CSMD1: variants seen among roughly 807,000 people sequenced by gnomAD.
CSMD1 encodes the protein CUB and sushi domain-containing protein 1.
Under a neutral mutation model 417.5 loss-of-function variants are expected in CSMD1, and 213 were observed. The ratio of observed to expected loss-of-function variants is 0.51; its 90% confidence interval spans 0.46 to 0.57. The LOEUF is 0.57. CSMD1 is among the 20% of genes least tolerant of loss of function. The pLI, the probability that CSMD1 is intolerant of heterozygous loss-of-function variation, is 0.00. For synonymous variants in CSMD1, 2,862 were observed against 1,736.8 expected, an observed-to-expected ratio of 1.65 and a Z score of -16.11; for missense variants, 6,923 against 4,529.7, an observed-to-expected ratio of 1.53 and a Z score of -15.17.
intron 3 of CSMD1, among the ~76,000 whole-genome samples, chr8:4,078,968 C>T (rs1239455202): frequency 2.1e-5 from 3 of 141,650 alleles, no homozygotes; most frequent in Non-Finnish European, 4.5e-5. Flanking sequence ...ATCTTCTCTT[C>T]ACTTTTTCCC....
intron 3 of CSMD1, among the ~76,000 whole-genome samples, chr8:4,289,134 C>G (rs984522131): frequency 6.6e-5 from 10 of 152,114 alleles, no homozygotes; most frequent in African/African-American, 2.4e-4. Flanking sequence ...TAACTAGTTA[C>G]AGTTCTTCTA....
chr8:3,702,474 T>A (rs1229939374), intron 7 of CSMD1, among the ~76,000 whole-genome samples: 2 of 152,206 alleles, frequency 1.3e-5, no homozygotes, highest in African/African-American at 4.8e-5. Flanking sequence ...TAAAACTGGT[T>A]TCTGCCAAGA....
intron 37 of CSMD1, among the ~76,000 whole-genome samples, chr8:3,165,894 C>T (rs374745916): frequency 6.6e-6 from 1 of 152,038 alleles, no homozygotes; most frequent in African/African-American, 2.4e-5. Flanking sequence ...GGCTCCGAAA[C>T]AGAAAAGCCA....
chr8:4,099,593 C>T (rs1054579810), intron 3 of CSMD1, among the ~76,000 whole-genome samples: 1 of 151,864 alleles, frequency 6.6e-6, no homozygotes, highest in African/African-American at 2.4e-5. Flanking sequence ...TCAAACTGTT[C>T]TTCAAAACCA....
intron 5 of CSMD1, among the ~76,000 whole-genome samples, chr8:3,919,788 TTG>T (rs1326831139): frequency 6.6e-6 from 1 of 152,128 alleles, no homozygotes; most frequent in African/African-American, 2.4e-5. Context: ...TTCCATTTGT[TTG>T]TGTTTTCAAT....
chr8:4,811,147 G>A (rs1253698439), intron 1 of CSMD1, among the ~76,000 whole-genome samples: 2 of 152,118 alleles, frequency 1.3e-5, no homozygotes, highest in African/African-American at 2.4e-5. Context: ...AGAAAAATAA[G>A]GCTGTAGTGG....
intron 29 of CSMD1, among the ~76,000 whole-genome samples, chr8:3,216,263 A>C (rs918619534): frequency 1.3e-5 from 2 of 152,112 alleles, no homozygotes; most frequent in Non-Finnish European, 2.9e-5. Context: ...CATTATTTTA[A>C]GCAAATACAG....
rs147040175 is a variant in CSMD1, at chr8:3,051,245, C to T, written c.7660+1217G>A. 1.0e-3 allele frequency among the ~76,000 whole-genome samples: 159 copies of T among 152,330 alleles called. 1 individual carries two copies. The highest frequency in any genetic ancestry group is 6.8e-3 in the Middle Eastern group (2 of 294). ...GCATACAGCAAATGTGATGCATACA[C>T]ATCATGGAATACTATGCAGCCATAA... On this transcript the variant is annotated intron_variant, in intron 50 of 69. Coordinates refer to ENST00000635120, the MANE Select transcript of CSMD1 (RefSeq NM_033225.6).
At chr8:2,951,358 A>AGCGAGC (rs1802618109) in intron 65 of CSMD1, 83 bp from the exon 66 acceptor site, 1 of 1,385,168 alleles carries the variant, frequency 7.2e-7, no homozygotes, top group Admixed American at 2.4e-5. Flanking sequence ...AAGGCATCAT[A>AGCGAGC]CTGCTTAGCG....
chr8:3,314,174 G>A (rs1805575406), intron 23 of CSMD1, among the ~76,000 whole-genome samples: 1 of 152,106 alleles, frequency 6.6e-6, no homozygotes. Context: ...AATGTTAAAT[G>A]ACTAGTTAAT....
In CSMD1 at chr8:4,446,288, C is replaced by T. The variant is rs986280920; in HGVS notation, c.303-26223G>A. On this transcript the variant is annotated intron_variant, in intron 2 of 69. Transcript: ENST00000635120. ...CCCAGCTGGGAGTGGTGGCTCATGC[C>T]CGTAATCCTGCTTCTTTGGGAGCCC... Among the ~76,000 whole-genome samples, 5 of 152,166 alleles carry T rather than the reference C, an allele frequency of 3.3e-5. No homozygotes were observed. The East Asian group carries it at 7.7e-4, about 24-fold the overall frequency.
rs189192759 is a variant in CSMD1 at position 3,456,400 on chromosome 8, C to T, written c.1561+12312G>A. 8.5e-5 allele frequency among the ~76,000 whole-genome samples: 13 copies of T among 152,282 alleles called. No individual in the cohort carries two copies. In the East Asian group the frequency reaches 2.5e-3, roughly 30 times the overall value. The stretch of plus-strand genomic sequence containing the variant: ...CCTTCTGCATCCCTCACGCTGGGAG[C>T]TGTAGACTGGAGCTGTTCCTCTTTG... On this transcript the variant is annotated intron_variant, in intron 12 of 69. Transcript: ENST00000635120.
rs115482378 is a variant in CSMD1 at position 3,010,068 on chromosome 8, G to C, written c.8029+8409C>G. ...GTCCTCAAGCTTTGTCTGCAGTCTT[G>C]CCTGCCGGTGTCACGTCTTTCTGTC... On this transcript the variant is annotated intron_variant, in intron 52 of 69. Transcript: ENST00000635120. Among the ~76,000 whole-genome samples the C allele has an allele frequency of 5.0e-3, 755 of 152,222 alleles. 6 individuals carry two copies. The highest frequency in any genetic ancestry group is 0.017 in the African/African-American group (724 of 41,522).
intron 10 of CSMD1, among the ~76,000 whole-genome samples, chr8:3,537,104 A>G (rs1165823479): frequency 5.9e-5 from 9 of 152,144 alleles, no homozygotes; most frequent in Admixed American, 5.9e-4. Flanking sequence ...CCTGGGTTCC[A>G]GCAATTCCCC....
In CSMD1 at chr8:4,867,518, A is replaced by AT. The variant is rs927777099; in HGVS notation, c.85+126813dup. 1.2e-4 allele frequency among the ~76,000 whole-genome samples: 18 copies of AT among 152,022 alleles called. 1 individual carries two copies. The highest frequency in any genetic ancestry group is 3.9e-4 in the Admixed American group (6 of 15,266). On this transcript the variant is annotated intron_variant, in intron 1 of 69. Coordinates refer to ENST00000635120, the MANE Select transcript of CSMD1 (RefSeq NM_033225.6). ...CCTATCCCAGCCAACCTCGGATATA[A>AT]TTTTTTTTACCTTTGAGTAAGCAAA...
intron 3 of CSMD1, among the ~76,000 whole-genome samples, chr8:4,036,065 A>G (rs1019956969): frequency 1.8e-4 from 27 of 152,172 alleles, no homozygotes; most frequent in Middle Eastern, 3.2e-3. Context: ...AGTTGCCTAC[A>G]GTATTCAGTT....
chr8:4,329,716 G>C (rs1231632639), intron 3 of CSMD1, among the ~76,000 whole-genome samples: 3 of 152,110 alleles, frequency 2.0e-5, no homozygotes, highest in Admixed American at 6.5e-5. Flanking sequence ...ATGAGGTCCG[G>C]TGGGAGGTAT....
At chr8:3,913,625 G>T (rs1029863771) in intron 5 of CSMD1, among the ~76,000 whole-genome samples, 5 of 152,214 alleles carry the variant, frequency 3.3e-5, no homozygotes, top group Admixed American at 2.0e-4. Flanking sequence ...ACTTAGGGAA[G>T]TGGTGGAGTC....
At chr8:4,979,991 T>G (rs1303158008) in intron 1 of CSMD1, among the ~76,000 whole-genome samples, 1 of 152,252 alleles carries the variant, frequency 6.6e-6, no homozygotes, top group Middle Eastern at 3.4e-3. Context: ...TGAGCCAAGA[T>G]AGTGCACTGC....
Sources: allele counts gnomAD v4.1 joint callset (sites outside exome capture counted in the v4.1 genomes callset), GRCh38; gene constraint gnomAD v4.1.1; transcripts MANE v1.5; gene names NCBI Gene and HGNC (gene_info 2026-07-23, HGNC 2026-07-21).